SPAG16: variants seen among roughly 807,000 people sequenced by gnomAD.
SPAG16 encodes sperm-associated antigen 16 protein.
SPAG16 carries 86 observed loss-of-function variants against 80.4 expected under a neutral mutation model. The observed-to-expected ratio is 1.07, with a 90% CI of 0.90 to 1.28. The LOEUF is 1.28. SPAG16 is among the 50% of genes most tolerant of loss of function. SPAG16 has a pLI of 0.00. For synonymous variants in SPAG16, 294 were observed against 265.9 expected (o/e 1.11, Z -1.03); for missense variants, 870 against 765.3 (o/e 1.14, Z -1.61).
chr2:214,246,500 A>G (rs1182781654), intron 15 of SPAG16, among the ~76,000 whole-genome samples: 2 of 152,214 alleles, frequency 1.3e-5, no homozygotes, highest in East Asian at 3.9e-4. Context: ...GGCTTTGTAT[A>G]TGGAAGCACT....
chr2:214,176,340 A>G (rs1422003832), intron 15 of SPAG16, among the ~76,000 whole-genome samples: 3 of 151,350 alleles, frequency 2.0e-5, no homozygotes, highest in Non-Finnish European at 3.0e-5. Flanking sequence ...CATAAAAATA[A>G]ATGCCAGGTT....
chr2:214,157,304 C>T (rs1231861530), intron 15 of SPAG16, among the ~76,000 whole-genome samples: 4 of 152,012 alleles, frequency 2.6e-5, no homozygotes, highest in Non-Finnish European at 5.9e-5. Flanking sequence ...TACACATGTT[C>T]TTACAGTTCT....
At chr2:213,719,406 C>A (rs1265365718) in intron 10 of SPAG16, among the ~76,000 whole-genome samples, 1 of 152,162 alleles carries the variant, frequency 6.6e-6, no homozygotes, top group African/African-American at 2.4e-5. Flanking sequence ...TCTGGTGGGG[C>A]CTTGGAGAAC....
At chr2:214,071,990 A>C (rs2050807758) in intron 13 of SPAG16, among the ~76,000 whole-genome samples, 1 of 152,162 alleles carries the variant, frequency 6.6e-6, no homozygotes, top group South Asian at 2.1e-4. Context: ...TTAATCATAA[A>C]TATGTACAAG....
chr2:213,863,108 A>C (rs891474711), intron 11 of SPAG16, among the ~76,000 whole-genome samples: 2 of 152,186 alleles, frequency 1.3e-5, no homozygotes, highest in Non-Finnish European at 2.9e-5. Context: ...GGGCCCTGTA[A>C]TTTCTGAAAT....
chr2:213,364,870 G>A (rs2066195533), intron 8 of SPAG16: 1 of 152,196 alleles, frequency 6.6e-6, no homozygotes, highest in African/African-American at 2.4e-5. Flanking sequence ...ATGCCTGGGT[G>A]GAAAGACCTC....
rs897265954 is a variant in SPAG16, at chr2:213,825,157, A to G, written c.1071-37328A>G. On this transcript the variant is annotated intron_variant, in intron 10 of 15. Coordinates refer to ENST00000331683, the MANE Select transcript of SPAG16 (RefSeq NM_024532.5). ...CTTGGATTTCTCCAAATATAAGATT[A>G]TATTATCTGCAAACAAGTATAATTT... Among the ~76,000 whole-genome samples the G allele has an allele frequency of 3.3e-5, 5 of 152,072 alleles. No individual in the cohort carries two copies. In the East Asian group the frequency reaches 9.6e-4, roughly 29 times the overall value.
At chr2:213,914,243 G>T (rs985064639) in intron 11 of SPAG16, among the ~76,000 whole-genome samples, 2 of 151,952 alleles carry the variant, frequency 1.3e-5, no homozygotes, top group Admixed American at 1.3e-4. Context: ...ACTATAGAAA[G>T]TTCATTGCAT....
At chr2:213,476,885 T>C (rs998203520) in intron 9 of SPAG16, among the ~76,000 whole-genome samples, 1 of 152,192 alleles carries the variant, frequency 6.6e-6, no homozygotes, top group Non-Finnish European at 1.5e-5. Context: ...TCTTGTCCTG[T>C]GACCAAAAGG....
At chr2:213,676,489 TG>T (rs1434781337) in intron 10 of SPAG16, among the ~76,000 whole-genome samples, 2 of 151,546 alleles carry the variant, frequency 1.3e-5, no homozygotes, top group African/African-American at 4.9e-5. Flanking sequence ...TTCCAGTTTT[TG>T]CCCATTCAGT....
rs1023311812 is a variant in SPAG16, at chr2:213,862,565, G to A, written c.1151G>A (p.Cys384Tyr). 1.2e-6 allele frequency: 2 copies of A among 1,614,156 alleles called. No homozygotes were observed. Among genetic ancestry groups the A allele is most frequent in the Non-Finnish European group, 1.7e-6 (2 of 1,180,014 alleles). ...RLWKVLGLPK[C>Y]NVLLTGFGHT... is the part of the protein sequence containing the mutation. ...TGGAAGGTGTTGGGCCTTCCAAAAT[G>A]CAATGTGCTTCTCACGGGATTTGGC... The change falls in exon 11 of 16, where the codon TGC (cysteine) becomes TAC (tyrosine). Residue 384 changes from cysteine to tyrosine, a missense_variant. By Grantham distance (194) the Cys-to-Tyr change is radical. Coordinates refer to ENST00000331683, the MANE Select transcript of SPAG16 (RefSeq NM_024532.5).
intron 13 of SPAG16, among the ~76,000 whole-genome samples, chr2:214,072,607 G>C (rs2050842354): frequency 1.3e-5 from 2 of 152,098 alleles, no homozygotes; most frequent in Admixed American, 1.3e-4. Flanking sequence ...TTAATAATAT[G>C]AGTTTGAAGA....
chr2:214,340,326 C>T lies in SPAG16; in HGVS notation c.1721-69814C>T, dbSNP rs200081963. Among the ~76,000 whole-genome samples, 7 of 152,286 alleles carry T rather than the reference C, an allele frequency of 4.6e-5. No individual in the cohort carries two copies. In the East Asian group the frequency reaches 1.4e-3, roughly 29 times the overall value. On this transcript the variant is annotated intron_variant, in intron 15 of 15. Transcript: ENST00000331683. ...CATTTAACATACCCTTTCACCTGCC[C>T]CAGCGTTATCCATTTTTGCATCAGG...
intron 15 of SPAG16, among the ~76,000 whole-genome samples, chr2:214,172,711 C>T (rs1240494722): frequency 2.0e-5 from 3 of 151,610 alleles, no homozygotes; most frequent in Admixed American, 1.3e-4. Flanking sequence ...GTTTACAGTC[C>T]CACCAACAGT....
intron 15 of SPAG16, among the ~76,000 whole-genome samples, chr2:214,205,047 G>A (rs541979547): frequency 1.4e-3 from 206 of 152,220 alleles, no homozygotes; most frequent in African/African-American, 4.7e-3. Context: ...TGGCCAACAT[G>A]GTGAAACCCC....
intron 15 of SPAG16, among the ~76,000 whole-genome samples, chr2:214,268,342 C>T (rs1691741833): frequency 1.3e-5 from 2 of 151,844 alleles, no homozygotes; most frequent in Non-Finnish European, 2.9e-5. Context: ...GAAGAGTTGT[C>T]TGCACTCCCA....
At chr2:213,986,765 A>T (rs1168073131) in intron 12 of SPAG16, among the ~76,000 whole-genome samples, 2 of 152,020 alleles carry the variant, frequency 1.3e-5, no homozygotes, top group Non-Finnish European at 2.9e-5. Flanking sequence ...GAAGTTGGGA[A>T]AAAAGAAAAT....
intron 13 of SPAG16, among the ~76,000 whole-genome samples, chr2:214,019,191 C>A (rs2047734974): frequency 6.6e-6 from 1 of 151,888 alleles, no homozygotes; most frequent in Non-Finnish European, 1.5e-5. Context: ...AGAAAAGGCT[C>A]AATGTACATA....
intron 10 of SPAG16, among the ~76,000 whole-genome samples, chr2:213,539,578 A>C (rs1002665985): frequency 2.0e-5 from 3 of 152,300 alleles, no homozygotes; most frequent in Admixed American, 2.0e-4. Context: ...CAAACAAAGC[A>C]AGCAATCATG....
Sources: allele counts gnomAD v4.1 joint callset (sites outside exome capture counted in the v4.1 genomes callset), GRCh38; gene constraint gnomAD v4.1.1; transcripts MANE v1.5; gene names NCBI Gene and HGNC (gene_info 2026-07-23, HGNC 2026-07-21).